Variants in DSCAM observed in about 807,000 individuals in gnomAD.
DSCAM encodes cell adhesion molecule DSCAM.
Under a neutral mutation model 217.7 loss-of-function variants are expected in DSCAM, and 47 were observed. That is an observed-to-expected ratio of 0.22 (90% confidence interval 0.17 to 0.28). The LOEUF (loss-of-function observed/expected upper bound fraction) is 0.28. DSCAM is among the 10% of genes least tolerant of loss of function. The pLI, the probability that DSCAM is intolerant of heterozygous loss-of-function variation, is 1.00. For missense variants in DSCAM, 2,080 were observed against 2,618.3 expected, an observed-to-expected ratio of 0.79 and a Z score of 4.49; for synonymous variants, 1,056 against 1,015.3, an observed-to-expected ratio of 1.04 and a Z score of -0.76.
rs187795413 is a variant in DSCAM, at chr21:40,295,477, A to G, written c.2182+578T>C. ...GCTACTGTTCTGCATTAGAAGAGGAAACATGATTAGGGGTGCAAGCAGGGA... is the reference window on the plus strand; with the variant it reads ...GCTACTGTTCTGCATTAGAAGAGGAGACATGATTAGGGGTGCAAGCAGGGA... On this transcript the variant is annotated intron_variant, in intron 10 of 32. Coordinates refer to ENST00000400454, the MANE Select transcript of DSCAM (RefSeq NM_001389.5). Among the ~76,000 whole-genome samples the G allele has an allele frequency of 5.2e-3, 786 of 152,304 alleles. 7 individuals carry two copies. Among genetic ancestry groups the G allele is most frequent in the African/African-American group, 0.017 (727 of 41,572 alleles).
At chr21:40,552,308 C>T (rs1178005511) in intron 3 of DSCAM, among the ~76,000 whole-genome samples, 1 of 115,166 alleles carries the variant, frequency 8.7e-6, no homozygotes, top group Non-Finnish European at 1.9e-5. Context: ...AGTGACACTT[C>T]GTCTCAAAAA....
At chr21:40,018,408 A>G (rs2088203263) in intron 32 of DSCAM, among the ~76,000 whole-genome samples, 1 of 152,020 alleles carries the variant, frequency 6.6e-6, no homozygotes, top group Non-Finnish European at 1.5e-5. Context: ...ATATTTGAGG[A>G]AATGGGACAG....
chr21:40,669,530 A>C (rs189304230), intron 3 of DSCAM, among the ~76,000 whole-genome samples: 41 of 152,292 alleles, frequency 2.7e-4, no homozygotes, highest in African/African-American at 8.7e-4. Flanking sequence ...CCAAAGTGTT[A>C]AAGAATATAA....
chr21:40,706,951 T>C (rs1478290635), intron 2 of DSCAM, among the ~76,000 whole-genome samples: 1 of 152,130 alleles, frequency 6.6e-6, no homozygotes, highest in Non-Finnish European at 1.5e-5. Flanking sequence ...ACATAAATAG[T>C]AAAAGCACAA....
At chr21:40,189,835 C>G (rs555544232) in intron 11 of DSCAM, among the ~76,000 whole-genome samples, 1 of 152,276 alleles carries the variant, frequency 6.6e-6, no homozygotes, top group African/African-American at 2.4e-5. Flanking sequence ...TCCATTAAAC[C>G]TCTTTCTTTT....
At chr21:40,028,335 G>GAGGC (rs1319765120) in intron 32 of DSCAM, among the ~76,000 whole-genome samples, 5 of 115,454 alleles carry the variant, frequency 4.3e-5, no homozygotes, top group African/African-American at 1.3e-4. Flanking sequence ...GCAGCCTACA[G>GAGGC]AGGCAGGCAG....
At chr21:40,421,643 C>T (rs1183788492) in intron 3 of DSCAM, among the ~76,000 whole-genome samples, 1 of 152,208 alleles carries the variant, frequency 6.6e-6, no homozygotes, top group African/African-American at 2.4e-5. Context: ...GAATTTCCGC[C>T]ATCAAGGGGC....
intron 3 of DSCAM, among the ~76,000 whole-genome samples, chr21:40,666,560 T>G (rs753482047): frequency 6.6e-6 from 1 of 152,226 alleles, no homozygotes; most frequent in Non-Finnish European, 1.5e-5. Flanking sequence ...TGGCTGCTTC[T>G]GCTTCTGCCT....
intron 32 of DSCAM, among the ~76,000 whole-genome samples, chr21:40,039,698 A>G (rs2088707955): frequency 6.6e-6 from 1 of 152,230 alleles, no homozygotes. Flanking sequence ...GGAAGTATGA[A>G]GATAACTAAG....
chr21:40,422,597 G>A (rs919848618), intron 3 of DSCAM, among the ~76,000 whole-genome samples: 5 of 152,108 alleles, frequency 3.3e-5, no homozygotes, highest in Admixed American at 1.3e-4. Flanking sequence ...AGCCAAGATC[G>A]CGCCACTGCC....
intron 21 of DSCAM, among the ~76,000 whole-genome samples, chr21:40,088,370 C>A (rs2089561157): frequency 6.6e-6 from 1 of 152,192 alleles, no homozygotes; most frequent in South Asian, 2.1e-4. Context: ...CCCAGGGAAG[C>A]TCTAGAATCC....
intron 28 of DSCAM, among the ~76,000 whole-genome samples, chr21:40,057,337 T>C (rs935648325): frequency 2.6e-5 from 4 of 152,144 alleles, no homozygotes; most frequent in Admixed American, 2.6e-4. Context: ...AATAATCAAA[T>C]AAAAGGAGGA....
chr21:40,162,092 C>A (rs539506159), intron 16 of DSCAM, among the ~76,000 whole-genome samples: 2 of 152,090 alleles, frequency 1.3e-5, no homozygotes, highest in Non-Finnish European at 2.9e-5. Flanking sequence ...TTATTATGCA[C>A]GAACTACAAT....
chr21:40,136,302 G>A (rs2090208417), intron 18 of DSCAM, among the ~76,000 whole-genome samples: 2 of 152,114 alleles, frequency 1.3e-5, no homozygotes, highest in South Asian at 4.1e-4. Flanking sequence ...TTTAACATAA[G>A]TCTTTTGGAT....
At chr21:40,317,059 T>G (rs1391864843) in intron 8 of DSCAM, among the ~76,000 whole-genome samples, 1 of 152,198 alleles carries the variant, frequency 6.6e-6, no homozygotes, top group Non-Finnish European at 1.5e-5. Flanking sequence ...GAAACACAGT[T>G]CATTATCAGC....
At chr21:40,632,649 G>C (rs1004794851) in intron 3 of DSCAM, among the ~76,000 whole-genome samples, 1 of 152,136 alleles carries the variant, frequency 6.6e-6, no homozygotes. Flanking sequence ...AAGATCACAC[G>C]ACAGCACTGA....
Position 40,310,657 on chromosome 21 carries a change from C to T in DSCAM, c.2062+1424G>A, listed in dbSNP as rs186717373. Among the ~76,000 whole-genome samples the T allele has an allele frequency of 6.6e-5, 10 of 152,276 alleles. No individual in the cohort carries two copies. In the East Asian group the frequency reaches 9.7e-4, roughly 15 times the overall value. ...AGCATCCCCGTACATTTTTATCTGA[C>T]GTTTCAGATTCCTGGCCTGGATCCT... is the stretch of plus-strand genomic sequence containing the variant. On this transcript the variant is annotated intron_variant, in intron 9 of 32. Coordinates refer to ENST00000400454, the MANE Select transcript of DSCAM (RefSeq NM_001389.5).
intron 2 of DSCAM, among the ~76,000 whole-genome samples, chr21:40,704,830 C>A (rs2090695379): frequency 6.6e-6 from 1 of 152,154 alleles, no homozygotes; most frequent in African/African-American, 2.4e-5. Context: ...AAGGGTAATT[C>A]AACTTCATAT....
chr21:40,358,883 T>A (rs1424480700), intron 4 of DSCAM, among the ~76,000 whole-genome samples: 1 of 151,636 alleles, frequency 6.6e-6, no homozygotes, highest in Non-Finnish European at 1.5e-5. Context: ...AAATCATATT[T>A]CTAATAAAGA....
Sources: allele counts gnomAD v4.1 joint callset (sites outside exome capture counted in the v4.1 genomes callset), GRCh38; gene constraint gnomAD v4.1.1; transcripts MANE v1.5; gene names NCBI Gene and HGNC (gene_info 2026-07-23, HGNC 2026-07-21).